Variants in DDX46 observed in about 807,000 individuals in gnomAD.
DDX46 encodes probable ATP-dependent RNA helicase DDX46.
Under a neutral mutation model 134.9 loss-of-function variants are expected in DDX46, and 30 were observed. That is an observed-to-expected ratio of 0.22 (90% confidence interval 0.17 to 0.30). The LOEUF (loss-of-function observed/expected upper bound fraction) is 0.30. Among genes scored for constraint, DDX46 ranks in the 10% least tolerant of loss-of-function variants. The pLI is 1.00. For synonymous variants in DDX46, 415 were observed against 404.1 expected (o/e 1.03, Z -0.32); for missense variants, 622 against 1,248.7 (o/e 0.50, Z 7.56).
chr5:134,814,534 T>G (rs1168455350), intron 18 of DDX46, among the ~76,000 whole-genome samples: 1 of 152,246 alleles, frequency 6.6e-6, no homozygotes, highest in East Asian at 1.9e-4. Flanking sequence ...TGCTATTTAA[T>G]TTAAAACGGT....
chr5:134,826,165 T>C (rs746519773), intron 21 of DDX46: 3 of 152,214 alleles, frequency 2.0e-5, no homozygotes, highest in Admixed American at 1.3e-4. Flanking sequence ...TGTGAACTAC[T>C]TCCTTTTCAT....
chr5:134,796,216 C>A, intron 15 of DDX46, 66 bp downstream of exon 15: 1 of 1,518,332 alleles, frequency 6.6e-7, no homozygotes, highest in Non-Finnish European at 9.0e-7. Flanking sequence ...GTGCTGTGTT[C>A]TCGATGATAC....
In DDX46 at chr5:134,822,466, A is replaced by G. The variant is rs562460390; in HGVS notation, c.2977+3462A>G. On this transcript the variant is annotated intron_variant, in intron 21 of 22. Transcript: ENST00000452510. Reference sequence around the variant, plus strand: ...TCTATCCTTAGCCTCCTGAACAGCTAGGACCACAGGCCTGTGCCACCATGC... The same window carrying G: ...TCTATCCTTAGCCTCCTGAACAGCTGGGACCACAGGCCTGTGCCACCATGC... Among the ~76,000 whole-genome samples, 558 of 151,648 alleles carry G rather than the reference A, an allele frequency of 3.7e-3. 3 individuals are homozygous for G. Among genetic ancestry groups the G allele is most frequent in the African/African-American group, 0.013 (534 of 41,376 alleles).
intron 4 of DDX46, among the ~76,000 whole-genome samples, chr5:134,772,660 C>T (rs757662664): frequency 8.5e-5 from 13 of 152,092 alleles, no homozygotes; most frequent in African/African-American, 2.2e-4. Flanking sequence ...CATGCCACCA[C>T]GCCCAGCTAA....
intron 21 of DDX46, among the ~76,000 whole-genome samples, chr5:134,824,142 C>T (rs929096339): frequency 6.6e-6 from 1 of 152,086 alleles, no homozygotes; most frequent in East Asian, 1.9e-4. Flanking sequence ...TCCACAGCTC[C>T]GATGTAGTTT....
At chr5:134,759,165 G>A (rs1012244842) in intron 1 of DDX46, among the ~76,000 whole-genome samples, 1 of 152,180 alleles carries the variant, frequency 6.6e-6, no homozygotes, top group Admixed American at 6.5e-5. Context: ...ACCATCAGAG[G>A]GTTCGAGCCC....
intron 18 of DDX46, among the ~76,000 whole-genome samples, chr5:134,815,078 C>G (rs945557453): frequency 1.3e-5 from 2 of 152,140 alleles, no homozygotes. Flanking sequence ...GAGACCCCAT[C>G]TCTATAAAAA....
chr5:134,772,023 G>A (rs1167799622), intron 4 of DDX46, among the ~76,000 whole-genome samples: 1 of 152,008 alleles, frequency 6.6e-6, no homozygotes, highest in Non-Finnish European at 1.5e-5. Flanking sequence ...CTGAGGTCAG[G>A]AGTTCGAGAC....
At chr5:134,825,685 G>A (rs1230544573) in intron 21 of DDX46, 1 of 152,044 alleles carries the variant, frequency 6.6e-6, no homozygotes, top group Non-Finnish European at 1.5e-5. Context: ...GCAATATGGT[G>A]TCTATCTGTA....
At position 134,807,175 on chromosome 5, in the gene DDX46, C is replaced by CT. The variant is rs11284486; in HGVS notation, c.1955-555dup. On this transcript the variant is annotated intron_variant, in intron 15 of 22. Transcript: ENST00000452510. ...TTCAGGCATGTGCCACCACGCCTGGCTTTTTTTTTTTTTTTTTTGTATTTT... is the reference window on the plus strand; with the variant it reads ...TTCAGGCATGTGCCACCACGCCTGGCTTTTTTTTTTTTTTTTTTTGTATTTT... Among the ~76,000 whole-genome samples, 980 of 121,632 alleles carry CT rather than the reference C, an allele frequency of 8.1e-3. 12 individuals carry two copies. The highest frequency in any genetic ancestry group is 0.052 in the South Asian group (193 of 3,682). 79.8% of individuals were successfully genotyped at this position (121,632 alleles called of 152,430 possible).
At chr5:134,807,419 G>T (rs1755024424) in intron 15 of DDX46, among the ~76,000 whole-genome samples, 1 of 152,104 alleles carries the variant, frequency 6.6e-6, no homozygotes, top group African/African-American at 2.4e-5. Context: ...AAAGGAGAAA[G>T]ATCTAACTCT....
At chr5:134,780,599 TAAAG>T (rs1754119965) in intron 6 of DDX46, 1 of 148,640 alleles carries the variant, frequency 6.7e-6, no homozygotes, top group South Asian at 2.1e-4. Flanking sequence ...AATAAATAAA[TAAAG>T]TATGTATAAT....
intron 15 of DDX46, among the ~76,000 whole-genome samples, chr5:134,802,142 A>G (rs944210662): frequency 6.7e-6 from 1 of 149,648 alleles, no homozygotes; most frequent in Non-Finnish European, 1.5e-5. Context: ...CTGTAGATCA[A>G]ATTGGATAAT....
chr5:134,792,658 T>G lies in DDX46; in HGVS notation c.1626+2106T>G, dbSNP rs528529742. 2.6e-5 allele frequency among the ~76,000 whole-genome samples: 4 copies of G among 152,328 alleles called. No homozygotes were observed. The South Asian group carries it at 8.3e-4, about 32-fold the overall frequency. ...TATAGAGTGAGTTCAACACAACATTTTCCATTGAAAGGCAAAGTGTGAATC... is the reference window on the plus strand; with the variant it reads ...TATAGAGTGAGTTCAACACAACATTGTCCATTGAAAGGCAAAGTGTGAATC... On this transcript the variant is annotated intron_variant, in intron 13 of 22. Coordinates refer to ENST00000452510, the MANE Select transcript of DDX46 (RefSeq NM_001300860.2).
At chr5:134,826,336 C>T (rs1480634240) in intron 21 of DDX46, 1 of 152,226 alleles carries the variant, frequency 6.6e-6, no homozygotes, top group Admixed American at 6.5e-5. Flanking sequence ...CCTACCTCAT[C>T]TAGTCAGCTA....
chr5:134,816,680 G>A, intron 19 of DDX46, 74 bp downstream of exon 19: 1 of 1,416,824 alleles, frequency 7.1e-7, no homozygotes, highest in East Asian at 2.3e-5. Context: ...GAATTATGTT[G>A]AACACAAGTA....
chr5:134,759,161 A>G (rs1753298222), intron 1 of DDX46, among the ~76,000 whole-genome samples: 1 of 152,192 alleles, frequency 6.6e-6, no homozygotes, highest in Non-Finnish European at 1.5e-5. Context: ...CACTACCATC[A>G]GAGGGTTCGA....
rs1323867571 is a variant in DDX46 at position 134,758,855 on chromosome 5, C to A, written c.-84C>A. 1.2e-6 allele frequency: 2 copies of A among 1,602,482 alleles called. No homozygotes were observed. Among genetic ancestry groups the A allele is most frequent in the Non-Finnish European group, 8.5e-7 (1 of 1,170,204 alleles). On this transcript the variant is annotated 5_prime_UTR_variant, in exon 1 of 23. Coordinates refer to ENST00000452510, the MANE Select transcript of DDX46 (RefSeq NM_001300860.2). ...GTGTTTAGCGCTGGTCTTTGCCGGG[C>A]GTTGAGGGCAGCTCAGCCTCCTTGT...
Position 134,794,949 on chromosome 5 carries a change from A to G in DDX46, c.1726A>G (p.Ser576Gly). ...AMEALARRILSKPIEVQVGGR... is the reference protein window; with the variant it reads ...AMEALARRILGKPIEVQVGGR... ...GGAGGCTTTGGCTCGCAGGATCCTCAGTAAACCTATTGAAGTACAAGTTGG... is the reference window on the plus strand; with the variant it reads ...GGAGGCTTTGGCTCGCAGGATCCTCGGTAAACCTATTGAAGTACAAGTTGG... The change falls in exon 14 of 23, where the codon AGT becomes GGT. Residue 576 changes from serine (S) to glycine (G), a missense_variant. Around this residue, in one of 8 missense-constraint regions of DDX46, gnomAD observed 209 missense variants for 508.4 expected, o/e 0.41. Transcript: ENST00000452510. 2.5e-6 allele frequency: 4 copies of G among 1,614,224 alleles called. No homozygotes were observed. The highest frequency in any genetic ancestry group is 3.4e-6 in the Non-Finnish European group (4 of 1,180,036).
Sources: allele counts gnomAD v4.1 joint callset (sites outside exome capture counted in the v4.1 genomes callset), GRCh38; gene constraint gnomAD v4.1.1; regional missense constraint gnomAD v4.1.1; transcripts MANE v1.5; gene names NCBI Gene and HGNC (gene_info 2026-07-23, HGNC 2026-07-21).